The following CEP295 variants were observed in gnomAD, a reference collection of about 807,000 sequenced individuals.
CEP295 encodes the protein centrosomal protein of 295 kDa.
In CEP295, 190 loss-of-function variants were observed where a neutral mutation model predicts 291.6. The observed-to-expected ratio is 0.65, with a 90% confidence interval of 0.58 to 0.73. The LOEUF (loss-of-function observed/expected upper bound fraction) is 0.73. Ranked by LOEUF, CEP295 falls within the 30% of genes least tolerant of loss-of-function variation. CEP295 has a pLI of 0.00. For missense variants in CEP295, 2,863 were observed against 2,949.4 expected, an observed-to-expected ratio of 0.97 and a Z score of 0.68; for synonymous variants, 993 against 1,038.8, an observed-to-expected ratio of 0.96 and a Z score of 0.85.
Position 93,695,514 on chromosome 11 carries a change from G to A in CEP295, c.1551G>A (p.Glu517=), listed in dbSNP as rs1449963859. Residue 517 remains glutamate, a synonymous_variant, in exon 13 of 30, where the codon GAG becomes GAA. Transcript: ENST00000325212. ...ARQKQIMEIE[E]QKQKQLELLE... ...TTACCTAGATAATGGAAATAGAAGA[G>A]CAGAAGCAAAAGCAATTGGAATTAC... 6.9e-7 allele frequency: 1 copy of A among 1,458,076 alleles called. No homozygotes were observed. The highest frequency in any genetic ancestry group is 9.0e-7 in the Non-Finnish European group (1 of 1,114,298). 90.3% of individuals were successfully genotyped at this position (1,458,076 alleles called of 1,614,324 possible).
intron 1 of CEP295, among the ~76,000 whole-genome samples, chr11:93,664,593 CA>C (rs1281060628): frequency 2.0e-5 from 3 of 152,184 alleles, no homozygotes; most frequent in Non-Finnish European, 4.4e-5. Context: ...TGTAGCACTT[CA>C]CATAAATTAA....
At position 93,729,488 on chromosome 11, in the gene CEP295, G is replaced by GT; in HGVS notation, c.7358dup (p.Ser2454IlefsTer51). Reference sequence around the variant, plus strand: ...AACAGAAGCCTCAGATTATCCAGCTGTATCAGAACTTTCCATAGAAAAACC... The same window carrying GT: ...AACAGAAGCCTCAGATTATCCAGCTGTTATCAGAACTTTCCATAGAAAAACC... On this transcript the variant is annotated frameshift_variant, in exon 26 of 30. Coordinates refer to ENST00000325212, the MANE Select transcript of CEP295 (RefSeq NM_033395.2). LOFTEE classifies it high-confidence loss of function. 6.4e-7 allele frequency: 1 copy of GT among 1,551,918 alleles called. No individual in the cohort carries two copies. The highest frequency in any genetic ancestry group is 8.7e-7 in the Non-Finnish European group (1 of 1,147,000).
chr11:93,685,159 A>T (rs1951164556), intron 9 of CEP295, among the ~76,000 whole-genome samples: 1 of 152,180 alleles, frequency 6.6e-6, no homozygotes. Flanking sequence ...TTTTACCTGC[A>T]TGTCTCCTTA....
Position 93,730,063 on chromosome 11 carries a change from T to G in CEP295, c.7682T>G (p.Leu2561Arg). 1 of 1,549,706 alleles carries G rather than the reference T, an allele frequency of 6.5e-7. No homozygotes were observed. Among genetic ancestry groups the G allele is most frequent in the Non-Finnish European group, 8.7e-7 (1 of 1,146,268 alleles). The change falls in exon 29 of 30, where the codon CTA (leucine) becomes CGA (arginine). Residue 2561 changes from leucine (L) to arginine (R), a missense_variant. Leu to Arg is a moderately radical substitution (Grantham distance 102). This residue lies in a region of CEP295 where 2,295 missense variants were observed against 2,335.7 expected (regional missense o/e 0.98). Transcript: ENST00000325212. ...HQRGLRLYNQ[L>R]AEVKQQKEEK... The stretch of plus-strand genomic sequence containing the variant: ...ATTCTTTACAGGTTATACAATCAAC[T>G]AGCTGAAGTGAAACAACAAAAGGAA...
intron 18 of CEP295, among the ~76,000 whole-genome samples, chr11:93,715,680 G>A (rs954419246): frequency 1.3e-5 from 2 of 151,938 alleles, no homozygotes; most frequent in African/African-American, 4.8e-5. Context: ...GGACCCAAGG[G>A]CTCTTTAATC....
intron 5 of CEP295, among the ~76,000 whole-genome samples, chr11:93,672,252 T>TA (rs1282675049): frequency 1.3e-5 from 2 of 152,196 alleles, no homozygotes; most frequent in African/African-American, 4.8e-5. Context: ...GTTAACTACT[T>TA]ATATATTAAA....
In CEP295 at chr11:93,729,752, T is replaced by C. The variant is rs1412996453; in HGVS notation, c.7538T>C (p.Ile2513Thr). 8.4e-6 allele frequency: 13 copies of C among 1,548,628 alleles called. No homozygotes were observed. Among genetic ancestry groups the C allele is most frequent in the Middle Eastern group, 1.7e-4 (1 of 5,970 alleles). ...NKIHVSENSQ[I>T]KTVKEKPSIS... ...ATTCATGTCTCTGAAAATTCTCAAA[T>C]CAAAACAGTTAAAGAGAAACCATCT... is the stretch of plus-strand genomic sequence containing the variant. Residue 2513 changes from isoleucine to threonine, a missense_variant, in exon 27 of 30, where the codon ATC becomes ACC. Around this residue, in one of 3 missense-constraint regions of CEP295, gnomAD observed 2,295 missense variants for 2,335.7 expected, o/e 0.98. Transcript: ENST00000325212.
chr11:93,673,315 C>T (rs927031755), intron 5 of CEP295, among the ~76,000 whole-genome samples: 1 of 152,022 alleles, frequency 6.6e-6, no homozygotes, highest in African/African-American at 2.4e-5. Context: ...TATATGTATG[C>T]TAGTTAATGT....
At chr11:93,709,249 A>G (rs962053180) in intron 18 of CEP295, among the ~76,000 whole-genome samples, 4 of 152,126 alleles carry the variant, frequency 2.6e-5, no homozygotes, top group African/African-American at 4.8e-5. Context: ...GGTTTCCCCA[A>G]TGTTTTCTTT....
rs1355382223 is a variant in CEP295 at position 93,666,717 on chromosome 11, A to C, written c.10A>C (p.Lys4Gln). Reference protein sequence around the residue: MKRKVVNTHKLRLS... With the variant: MKRQVVNTHKLRLS... The stretch of plus-strand genomic sequence containing the variant: ...CATAAAGTACACAGAAATGAAGAGA[A>C]AAGTCGTGAATACTCACAAGCTGAG... The change falls in exon 2 of 30, where the codon AAA becomes CAA. Residue 4 changes from lysine (K) to glutamine (Q), a missense_variant. By Grantham distance (53) the Lys-to-Gln change is moderately conservative (BLOSUM62 1). Transcript: ENST00000325212. 23 of 1,524,204 alleles carry C rather than the reference A, an allele frequency of 1.5e-5. No homozygotes were observed. Among genetic ancestry groups the C allele is most frequent in the Non-Finnish European group, 2.0e-5 (22 of 1,125,514 alleles). The allele number at this position is 1,524,204 out of a possible 1,614,324, so 94.4% of individuals were successfully genotyped here.
intron 9 of CEP295, among the ~76,000 whole-genome samples, chr11:93,685,208 C>G (rs1323034742): frequency 6.6e-6 from 1 of 152,168 alleles, no homozygotes; most frequent in Non-Finnish European, 1.5e-5. Context: ...CTATTTTTGC[C>G]CCGTATCTAC....
chr11:93,719,927 G>A (rs1349085791), intron 18 of CEP295, among the ~76,000 whole-genome samples: 2 of 152,000 alleles, frequency 1.3e-5, no homozygotes, highest in Admixed American at 6.5e-5. Flanking sequence ...GAATAAGAAG[G>A]AAAATAAGCT....
Position 93,699,661 on chromosome 11 carries a change from A to C in CEP295, c.4749A>C (p.Pro1583=), listed in dbSNP as rs1004796666. 3 of 1,551,448 alleles carry C rather than the reference A, an allele frequency of 1.9e-6. No individual in the cohort carries two copies. Among genetic ancestry groups the C allele is most frequent in the African/African-American group, 2.7e-5 (2 of 73,064 alleles). The change falls in exon 15 of 30, where the codon CCA becomes CCC. Residue 1583 remains proline (P), a synonymous_variant. Coordinates refer to ENST00000325212, the MANE Select transcript of CEP295 (RefSeq NM_033395.2). The part of the protein sequence containing the change: ...DTLPSSHREI[P]RLQDRLLSLS... ...TTCCCTCAAGTCATCGTGAGATTCC[A>C]AGATTACAGGATAGACTTTTGAGTT...
At chr11:93,710,273 A>G (rs143177637) in intron 18 of CEP295, among the ~76,000 whole-genome samples, 2,901 of 152,272 alleles carry the variant, frequency 0.019, 96 homozygotes, top group African/African-American at 0.067. Flanking sequence ...TGGATCTGTC[A>G]TATATGGCTT....
Position 93,699,476 on chromosome 11 carries a change from A to T in CEP295, c.4564A>T (p.Ile1522Leu), listed in dbSNP as rs114541105. ...TACACAGAAGAAAGCCATTCGATCT[A>T]TACAGGAAGTCCAAGAAGAATTGCT... ...LDTQKKAIRS[I>L]QEVQEELLLQ... Residue 1522 changes from isoleucine to leucine, a missense_variant, in exon 15 of 30, where the codon ATA becomes TTA. Ile to Leu is a conservative substitution (Grantham distance 5, BLOSUM62 2). Transcript: ENST00000325212. 230 of 1,551,794 alleles carry T rather than the reference A, an allele frequency of 1.5e-4. No individual in the cohort carries two copies. In the African/African-American group the frequency reaches 3.0e-3, roughly 20 times the overall value.
At chr11:93,712,688 T>C (rs1952986536) in intron 18 of CEP295, among the ~76,000 whole-genome samples, 1 of 152,218 alleles carries the variant, frequency 6.6e-6, no homozygotes, top group Admixed American at 6.5e-5. Context: ...TAACAGATCA[T>C]TGGATCTTGT....
chr11:93,723,420 CA>C (rs1953901705), intron 21 of CEP295, 131 bp downstream of exon 21: 2 of 680,428 alleles, frequency 2.9e-6, no homozygotes, highest in African/African-American at 3.6e-5. Context: ...CGTTTTACCA[CA>C]GAATATATTG....
rs913982171 is a variant in CEP295 at position 93,675,461 on chromosome 11, T to G, written c.529-110T>G. 6 of 526,880 alleles carry G rather than the reference T, an allele frequency of 1.1e-5. No individual in the cohort carries two copies. In the African/African-American group the frequency reaches 1.2e-4, roughly 11 times the overall value. 32.6% of individuals were successfully genotyped at this position (526,880 alleles called of 1,614,324 possible). ...TCATTATGAGCAGATATTTAGCATG[T>G]TTTGGATGCGGAGAACTCATTAAAA... On this transcript the variant is annotated intron_variant, in intron 5 of 29. Coordinates refer to ENST00000325212, the MANE Select transcript of CEP295 (RefSeq NM_033395.2).
chr11:93,723,239 A>G lies in CEP295; in HGVS notation c.6146A>G (p.Asp2049Gly), dbSNP rs1053006700. ...CGHTHFQQMIDKYINEANLIP... is the reference protein window; with the variant it reads ...CGHTHFQQMIGKYINEANLIP... ...CACACACACTTTCAGCAAATGATAG[A>G]CAAGTACATTAATGAAGCAAATTTG... Residue 2049 changes from aspartate (D) to glycine (G), a missense_variant, in exon 21 of 30, where the codon GAC becomes GGC. Asp to Gly is a moderately conservative substitution (Grantham distance 94). This residue lies in a region of CEP295 where 2,295 missense variants were observed against 2,335.7 expected (regional missense o/e 0.98). Transcript: ENST00000325212. The G allele has an allele frequency of 5.8e-6, 9 of 1,548,544 alleles. No individual in the cohort carries two copies. The highest frequency in any genetic ancestry group is 7.0e-6 in the Non-Finnish European group (8 of 1,145,400).
Sources: allele counts gnomAD v4.1 joint callset (sites outside exome capture counted in the v4.1 genomes callset), GRCh38; gene constraint gnomAD v4.1.1; regional missense constraint gnomAD v4.1.1; transcripts MANE v1.5; gene names NCBI Gene and HGNC (gene_info 2026-07-23, HGNC 2026-07-21).